LRFN3: variants seen among roughly 807,000 people sequenced by gnomAD.
The protein encoded by LRFN3 is leucine rich repeat and fibronectin type III domain containing 3, also known as leucine-rich repeat and fibronectin type-III domain-containing protein 3.
In LRFN3, 8 loss-of-function variants were observed where a neutral mutation model predicts 23.8. That is an observed-to-expected ratio of 0.34 (90% CI 0.20 to 0.61). LRFN3 has a LOEUF of 0.61. LRFN3 is among the 20% of genes least tolerant of loss of function. LRFN3 has a pLI of 0.80. For synonymous variants in LRFN3, 451 were observed against 450.6 expected (o/e 1.00, Z -0.01); for missense variants, 736 against 935.3 (o/e 0.79, Z 2.78).
At position 35,945,124 on chromosome 19, in the gene LRFN3, A is replaced by G. The variant is rs761179088; in HGVS notation, c.*105A>G. ...TCACCAAATCGCTCATGGTTTTTAA[A>G]ACTCTGATGGGGAGGGTGTCGGGGA... On this transcript the variant is annotated 3_prime_UTR_variant, in exon 3 of 3. Coordinates refer to ENST00000246529, the MANE Select transcript of LRFN3 (RefSeq NM_024509.2). 2.6e-5 allele frequency: 17 copies of G among 650,806 alleles called. No individual in the cohort carries two copies. The highest frequency in any genetic ancestry group is 4.5e-4 in the Middle Eastern group (1 of 2,216). 40.3% of individuals were successfully genotyped at this position (650,806 alleles called of 1,614,324 possible).
Position 35,944,683 on chromosome 19 carries a change from C to G in LRFN3, c.1551C>G (p.Arg517=). ...CCACGCGGCCTGTGGGCTGCGCCCG[C>G]TTCTCCACCGAACCTGCGCTGCGGC... ...LTATRPVGCA[R]FSTEPALRPC... The change falls in exon 3 of 3, where the codon CGC becomes CGG. Residue 517 remains arginine (R), a synonymous_variant. Coordinates refer to ENST00000246529, the MANE Select transcript of LRFN3 (RefSeq NM_024509.2). The surrounding 1 kb of genome is among the most constrained non-coding windows in gnomAD (Gnocchi z 4.5). 6.2e-7 allele frequency: 1 copy of G among 1,602,562 alleles called. No homozygotes were observed. The highest frequency in any genetic ancestry group is 8.5e-7 in the Non-Finnish European group (1 of 1,176,502).
chr19:35,940,757 G>A lies in LRFN3; in HGVS notation c.1332G>A (p.Gln444=). Residue 444 remains glutamine, a synonymous_variant, in exon 2 of 3, where the codon CAG becomes CAA. Transcript: ENST00000246529. ...ACGGGGCCACAGCTGCTCTTGTCCAGTGGCCGGATCAGCGGCCTATCCCGG... is the reference window on the plus strand; with the variant it reads ...ACGGGGCCACAGCTGCTCTTGTCCAATGGCCGGATCAGCGGCCTATCCCGG... ...TEHGATAALV[Q]WPDQRPIPGI... 1 of 1,612,978 alleles carries A rather than the reference G, an allele frequency of 6.2e-7. No homozygotes were observed. The highest frequency in any genetic ancestry group is 8.5e-7 in the Non-Finnish European group (1 of 1,179,498).
chr19:35,945,079 T>G lies in LRFN3; in HGVS notation c.*60T>G. ...CACGGACAGCAGGACCCGGACACCCTGTGGGACCTGGCCTCAAACTCACCA... is the reference window on the plus strand; with the variant it reads ...CACGGACAGCAGGACCCGGACACCCGGTGGGACCTGGCCTCAAACTCACCA... On this transcript the variant is annotated 3_prime_UTR_variant, in exon 3 of 3. Coordinates refer to ENST00000246529, the MANE Select transcript of LRFN3 (RefSeq NM_024509.2). The G allele has an allele frequency of 9.6e-7, 1 of 1,045,346 alleles. No individual in the cohort carries two copies. The highest frequency in any genetic ancestry group is 1.3e-6 in the Non-Finnish European group (1 of 778,576). The allele number at this position is 1,045,346 out of a possible 1,614,324, so 64.8% of individuals were successfully genotyped here.
intron 1 of LRFN3, 28 bp downstream of exon 1, chr19:35,937,583 G>A (rs992602438): frequency 6.5e-6 from 1 of 152,936 alleles, no homozygotes; most frequent in African/African-American, 2.4e-5. Flanking sequence ...TCAAGGTGGG[G>A]ACGGGCTGGG....
Position 35,940,501 on chromosome 19 carries a change from G to T in LRFN3, c.1076G>T (p.Gly359Val). The part of the protein sequence containing the change: ...GTLELLVTEP[G>V]DGGIFTCIAA... Reference sequence around the variant, plus strand: ...CTGGAGCTGCTGGTCACCGAGCCGGGTGATGGTGGCATCTTCACCTGCATT... The same window carrying T: ...CTGGAGCTGCTGGTCACCGAGCCGGTTGATGGTGGCATCTTCACCTGCATT... Residue 359 changes from glycine (G) to valine (V), a missense_variant, in exon 2 of 3, where the codon GGT (glycine) becomes GTT (valine). By Grantham distance (109) the Gly-to-Val change is moderately radical. This residue lies in a region of LRFN3 where 446 missense variants were observed against 647.9 expected (regional missense o/e 0.69). Coordinates refer to ENST00000246529, the MANE Select transcript of LRFN3 (RefSeq NM_024509.2). The T allele has an allele frequency of 6.2e-7, 1 of 1,611,870 alleles. No individual in the cohort carries two copies. Among genetic ancestry groups the T allele is most frequent in the Non-Finnish European group, 8.5e-7 (1 of 1,179,728 alleles).
chr19:35,939,499 C>G lies in LRFN3; in HGVS notation c.74C>G (p.Pro25Arg), dbSNP rs1389175519. The change falls in exon 2 of 3, where the codon CCC becomes CGC. Residue 25 changes from proline (P) to arginine (R), a missense_variant. This residue lies in a region of LRFN3 where 446 missense variants were observed against 647.9 expected (regional missense o/e 0.69). Transcript: ENST00000246529. This position sits in a 1 kb window ranked among gnomAD's most constrained non-coding sequence, Gnocchi z 6.4. ...TCATCCCCACCCCAGTCAGCCACAC[C>G]CAGCCCATGTCCCCGCCGCTGCCGC... ...PASSPPQSAT[P>R]SPCPRRCRCQ... 1.2e-6 allele frequency: 2 copies of G among 1,605,982 alleles called. No individual in the cohort carries two copies. Among genetic ancestry groups the G allele is most frequent in the Non-Finnish European group, 1.7e-6 (2 of 1,178,924 alleles).
In LRFN3 at chr19:35,940,618, A is replaced by AC. The variant is rs1236645443; in HGVS notation, c.1199dup (p.Arg401AlafsTer6). ...CAGCTAGCCAACAGCACCAGCTGTG[A>AC]CCCCCCGCGGGACGGGGATCCTGAT... On this transcript the variant is annotated frameshift_variant, in exon 2 of 3. Coordinates refer to ENST00000246529, the MANE Select transcript of LRFN3 (RefSeq NM_024509.2). LOFTEE classifies it high-confidence loss of function. The AC allele has an allele frequency of 5.6e-6, 9 of 1,609,684 alleles. No individual in the cohort carries two copies. Among genetic ancestry groups the AC allele is most frequent in the South Asian group, 4.4e-5 (4 of 90,956 alleles).
intron 2 of LRFN3, among the ~76,000 whole-genome samples, chr19:35,941,185 G>C (rs1976117469): frequency 6.6e-6 from 1 of 151,200 alleles, no homozygotes; most frequent in Admixed American, 6.6e-5. Flanking sequence ...AAATTAGGCA[G>C]CAAGAATAAA....
In LRFN3 at chr19:35,939,394, C is replaced by A; in HGVS notation, c.-16-16C>A. 1 of 1,547,988 alleles carries A rather than the reference C, an allele frequency of 6.5e-7. No individual in the cohort carries two copies. Among genetic ancestry groups the A allele is most frequent in the Middle Eastern group, 2.0e-4 (1 of 5,108 alleles). On this transcript the variant is annotated splice_polypyrimidine_tract_variant and intron_variant, in intron 1 of 2. Coordinates refer to ENST00000246529, the MANE Select transcript of LRFN3 (RefSeq NM_024509.2). The surrounding 1 kb of genome is among the most constrained non-coding windows in gnomAD (Gnocchi z 6.4). ...GAACCCCTCTTCTGCCCTCACGCCT[C>A]CCCTCTTCTCCGCAGGACACCCCTG...
intron 1 of LRFN3, among the ~76,000 whole-genome samples, chr19:35,937,858 C>G (rs1201270111): frequency 1.3e-5 from 2 of 152,024 alleles, no homozygotes; most frequent in East Asian, 3.9e-4. Context: ...TCCACCACTC[C>G]TCTCTCTGGG....
In LRFN3 at chr19:35,946,489, G is replaced by C. The variant is rs371528716; in HGVS notation, c.*1470G>C. 4.2e-3 allele frequency among the ~76,000 whole-genome samples: 643 copies of C among 152,048 alleles called. 5 individuals carry two copies. The highest frequency in any genetic ancestry group is 0.015 in the African/African-American group (603 of 41,438). Reference sequence around the variant, plus strand: ...CTGGCTAGGGACTTTCCATATTTAAGGGTGACGCAAAGAAAAACCTAACCA... The same window carrying C: ...CTGGCTAGGGACTTTCCATATTTAACGGTGACGCAAAGAAAAACCTAACCA... On this transcript the variant is annotated 3_prime_UTR_variant, in exon 3 of 3. Coordinates refer to ENST00000246529, the MANE Select transcript of LRFN3 (RefSeq NM_024509.2).
chr19:35,939,504 C>A lies in LRFN3; in HGVS notation c.79C>A (p.Pro27Thr). Residue 27 changes from proline (P) to threonine (T), a missense_variant, in exon 2 of 3, where the codon CCA (proline) becomes ACA (threonine). Coordinates refer to ENST00000246529, the MANE Select transcript of LRFN3 (RefSeq NM_024509.2). This position sits in a 1 kb window ranked among gnomAD's most constrained non-coding sequence, Gnocchi z 6.4. Reference protein sequence around the residue: ...SSPPQSATPSPCPRRCRCQTQ... With the variant: ...SSPPQSATPSTCPRRCRCQTQ... Reference sequence around the variant, plus strand: ...CCCACCCCAGTCAGCCACACCCAGCCCATGTCCCCGCCGCTGCCGCTGCCA... The same window carrying A: ...CCCACCCCAGTCAGCCACACCCAGCACATGTCCCCGCCGCTGCCGCTGCCA... 1 of 1,606,420 alleles carries A rather than the reference C, an allele frequency of 6.2e-7. No homozygotes were observed. The highest frequency in any genetic ancestry group is 8.5e-7 in the Non-Finnish European group (1 of 1,179,216).
At chr19:35,943,533 G>T (rs1976144448) in intron 2 of LRFN3, among the ~76,000 whole-genome samples, 1 of 152,126 alleles carries the variant, frequency 6.6e-6, no homozygotes. Flanking sequence ...TGATTGGAGA[G>T]AATCCTAGCT....
chr19:35,943,803 A>G (rs1976147223), intron 2 of LRFN3, among the ~76,000 whole-genome samples: 1 of 152,110 alleles, frequency 6.6e-6, no homozygotes. Flanking sequence ...TTGGGGCAAA[A>G]TTGGGCAGGG....
At chr19:35,942,471 G>A (rs1235950128) in intron 2 of LRFN3, among the ~76,000 whole-genome samples, 7 of 152,198 alleles carry the variant, frequency 4.6e-5, no homozygotes, top group South Asian at 2.1e-4. Context: ...GATGGACTGC[G>A]GCTGTGGGTG....
In LRFN3 at chr19:35,945,282, C is replaced by T. The variant is rs1038097808; in HGVS notation, c.*263C>T. ...GAATGCCTCCTTTGGGGAGACACCC[C>T]CTCCCCGCCCAGTTCAGTCTGAGGA... On this transcript the variant is annotated 3_prime_UTR_variant, in exon 3 of 3. Transcript: ENST00000246529. 2 of 370,326 alleles carry T rather than the reference C, an allele frequency of 5.4e-6. No homozygotes were observed. 22.9% of individuals were successfully genotyped at this position (370,326 alleles called of 1,614,324 possible).
Position 35,940,741 on chromosome 19 carries a change from C to T in LRFN3, c.1316C>T (p.Thr439Ile). The change falls in exon 2 of 3, where the codon ACA (threonine) becomes ATA (isoleucine). Residue 439 changes from threonine to isoleucine, a missense_variant. Around this residue, in one of 2 missense-constraint regions of LRFN3, gnomAD observed 446 missense variants for 647.9 expected, o/e 0.69. Transcript: ENST00000246529. The stretch of plus-strand genomic sequence containing the variant: ...GTCCAGGTGACTGAGCACGGGGCCA[C>T]AGCTGCTCTTGTCCAGTGGCCGGAT... Reference protein sequence around the residue: ...RGVQVTEHGATAALVQWPDQR... With the variant: ...RGVQVTEHGAIAALVQWPDQR... 6.2e-7 allele frequency: 1 copy of T among 1,613,386 alleles called. No individual in the cohort carries two copies. Among genetic ancestry groups the T allele is most frequent in the Non-Finnish European group, 8.5e-7 (1 of 1,179,824 alleles).
chr19:35,939,794 C>T lies in LRFN3; in HGVS notation c.369C>T (p.Gly123=), dbSNP rs746646905. The T allele has an allele frequency of 2.7e-5, 44 of 1,603,744 alleles. No homozygotes were observed. Among genetic ancestry groups the T allele is most frequent in the African/African-American group, 8.0e-5 (6 of 74,920 alleles). ...HLDGNRLTSL[G]EGQLRGLVNL... Reference sequence around the variant, plus strand: ...ATGGCAACCGGCTGACCTCACTGGGCGAGGGCCAGCTGCGCGGCCTGGTCA... The same window carrying T: ...ATGGCAACCGGCTGACCTCACTGGGTGAGGGCCAGCTGCGCGGCCTGGTCA... Residue 123 remains glycine, a synonymous_variant, in exon 2 of 3, where the codon GGC becomes GGT. Transcript: ENST00000246529. The surrounding 1 kb of genome is among the most constrained non-coding windows in gnomAD (Gnocchi z 6.4).
chr19:35,945,016 C>T lies in LRFN3; in HGVS notation c.1884C>T (p.Pro628=). The T allele has an allele frequency of 7.3e-7, 1 of 1,372,842 alleles. No individual in the cohort carries two copies. Among genetic ancestry groups the T allele is most frequent in the Non-Finnish European group, 9.3e-7 (1 of 1,073,260 alleles). 85.0% of individuals were successfully genotyped at this position (1,372,842 alleles called of 1,614,324 possible). A position where few individuals can be genotyped will look rare whatever the true frequency, so the allele number is the denominator to read the frequency against. The change falls in exon 3 of 3, where the codon CCC becomes CCT. Residue 628 remains proline, a synonymous_variant. Coordinates refer to ENST00000246529, the MANE Select transcript of LRFN3 (RefSeq NM_024509.2). ...PWGPGHEPVG[P] is the part of the protein sequence containing the mutation. ...GGCCCGGCCACGAACCTGTGGGACC[C>T]TAGCCAGGCGCCCCCCCCTCTAAGG... is the stretch of plus-strand genomic sequence containing the variant.
Sources: allele counts gnomAD v4.1 joint callset (sites outside exome capture counted in the v4.1 genomes callset), GRCh38; gene constraint gnomAD v4.1.1; regional missense constraint gnomAD v4.1.1; non-coding constraint Gnocchi (gnomAD v3.1); transcripts MANE v1.5; gene names NCBI Gene and HGNC (gene_info 2026-07-23, HGNC 2026-07-21).